EDN2: variants seen among roughly 807,000 people sequenced by gnomAD.
The protein encoded by EDN2 is endothelin-2.
EDN2 carries 10 observed loss-of-function variants against 19.9 expected under a neutral mutation model. The ratio of observed to expected loss-of-function variants is 0.50; its 90% CI spans 0.31 to 0.85. EDN2 has a LOEUF of 0.85. Among genes scored for constraint, EDN2 ranks in the 40% least tolerant of loss-of-function variants. EDN2 has a pLI of 0.05. For missense variants in EDN2, 222 were observed against 239.3 expected (o/e 0.93, Z 0.48); for synonymous variants, 84 against 94.9 (o/e 0.89, Z 0.67).
At chr1:41,482,945 C>T (rs1431742639) in intron 2 of EDN2, 3 of 164,346 alleles carry the variant, frequency 1.8e-5, no homozygotes, top group Non-Finnish European at 3.9e-5. Flanking sequence ...TAGTCTCTCT[C>T]CCCTCTCAGA....
rs768528003 is a variant in EDN2 at position 41,484,034 on chromosome 1, C to T, written c.221+13G>A. ...CAGAGCTCCCCCTGCCCCCAATCCC[C>T]ATGGATGCTCACTCAGGAGTGTTCA... On this transcript the variant is annotated intron_variant, in intron 2 of 4. Coordinates refer to ENST00000372587, the MANE Select transcript of EDN2 (RefSeq NM_001956.5). The T allele has an allele frequency of 1.3e-6, 2 of 1,588,508 alleles. No homozygotes were observed. The highest frequency in any genetic ancestry group is 1.1e-5 in the South Asian group (1 of 87,288).
intron 4 of EDN2, chr1:41,480,834 A>T: frequency 1.6e-6 from 1 of 639,058 alleles, no homozygotes; most frequent in East Asian, 3.2e-5. Flanking sequence ...GGTCCTTCCC[A>T]GTCATGAGCC....
At chr1:41,480,676 C>T (rs1198744733) in intron 4 of EDN2, 1 of 461,230 alleles carries the variant, frequency 2.2e-6, no homozygotes, top group East Asian at 6.8e-5. Flanking sequence ...TCGTGGGCAC[C>T]TCCTGGGGGC....
chr1:41,480,280 A>G (rs1644236417), intron 4 of EDN2, among the ~76,000 whole-genome samples: 1 of 152,024 alleles, frequency 6.6e-6, no homozygotes, highest in Admixed American at 6.6e-5. Context: ...CCGCCCCCAA[A>G]AGGTGAGAAT....
chr1:41,483,810 C>T lies in EDN2; in HGVS notation c.221+237G>A, dbSNP rs11572344. The T allele has an allele frequency of 4.5e-3, 2,019 of 453,584 alleles. 14 individuals are homozygous for T. Among genetic ancestry groups the T allele is most frequent in the Non-Finnish European group, 6.1e-3 (1,541 of 253,384 alleles). The allele number at this position is 453,584 out of a possible 1,614,324, so 28.1% of individuals were successfully genotyped here. On this transcript the variant is annotated intron_variant, in intron 2 of 4. Coordinates refer to ENST00000372587, the MANE Select transcript of EDN2 (RefSeq NM_001956.5). ...AGCCTCAGCACTTGAATCTGGAAAA[C>T]GGGGCCAACACTTGCTTACCAGGCT...
chr1:41,481,353 G>C (rs1644246078), intron 3 of EDN2, among the ~76,000 whole-genome samples, 160 bp from the exon 4 acceptor site: 1 of 152,192 alleles, frequency 6.6e-6, no homozygotes, highest in Non-Finnish European at 1.5e-5. Context: ...CCCTTTCCAG[G>C]TGGGGTGGGG....
In EDN2 at chr1:41,482,526, C is replaced by T. The variant is rs1454398358; in HGVS notation, c.284G>A (p.Arg95His). 5 of 1,594,114 alleles carry T rather than the reference C, an allele frequency of 3.1e-6. No homozygotes were observed. The highest frequency in any genetic ancestry group is 1.7e-5 in the Admixed American group (1 of 57,184). ...PRRRRRSLPR[R>H]CQCSSARDPA... ...GTCCCTGGCACTGGAGCACTGACAG[C>T]GCCTTGGCAGGGAGCGGCGCCGGCG... Residue 95 changes from arginine (R) to histidine (H), a missense_variant, in exon 3 of 5, where the codon CGC (arginine) becomes CAC (histidine). By Grantham distance (29) the Arg-to-His change is conservative. Coordinates refer to ENST00000372587, the MANE Select transcript of EDN2 (RefSeq NM_001956.5).
At chr1:41,479,687 C>A (rs745881943) in intron 4 of EDN2, among the ~76,000 whole-genome samples, 185 bp from the exon 5 acceptor site, 1 of 152,176 alleles carries the variant, frequency 6.6e-6, no homozygotes, top group South Asian at 2.1e-4. Context: ...CCAGCCCAGG[C>A]GTTGAAGCTT....
intron 1 of EDN2, 133 bp from the exon 2 acceptor site, chr1:41,484,336 A>G (rs1644273712): frequency 3.0e-6 from 4 of 1,333,250 alleles, no homozygotes; most frequent in Non-Finnish European, 1.0e-6. Context: ...CAAGAGCTCC[A>G]GGCCAGCCCA....
At chr1:41,481,476 C>CG (rs1235557182) in intron 3 of EDN2, among the ~76,000 whole-genome samples, 2 of 151,774 alleles carry the variant, frequency 1.3e-5, no homozygotes, top group African/African-American at 4.8e-5. Context: ...GAGGCAGGGG[C>CG]GGGGCCTCAG....
In EDN2 at chr1:41,484,027, C is replaced by T; in HGVS notation, c.221+20G>A. On this transcript the variant is annotated intron_variant, in intron 2 of 4. Coordinates refer to ENST00000372587, the MANE Select transcript of EDN2 (RefSeq NM_001956.5). ...CCTGCCCCAGAGCTCCCCCTGCCCC[C>T]AATCCCCATGGATGCTCACTCAGGA... The T allele has an allele frequency of 6.3e-7, 1 of 1,577,350 alleles. No homozygotes were observed. Among genetic ancestry groups the T allele is most frequent in the African/African-American group, 1.3e-5 (1 of 74,480 alleles).
At chr1:41,481,248 C>T (rs773765968) in intron 3 of EDN2, 55 bp from the exon 4 acceptor site, 27 of 1,506,874 alleles carry the variant, frequency 1.8e-5, no homozygotes, top group Non-Finnish European at 2.4e-5. Flanking sequence ...CCTGAAGCTA[C>T]CTGGCTGCAG....
chr1:41,483,952 A>G, intron 2 of EDN2, 95 bp downstream of exon 2: 2 of 1,331,038 alleles, frequency 1.5e-6, no homozygotes, highest in South Asian at 1.5e-5. Context: ...CCAGGGAGAG[A>G]TGGAATGTGT....
intron 3 of EDN2, among the ~76,000 whole-genome samples, 191 bp from the exon 4 acceptor site, chr1:41,481,384 C>G (rs1644246258): frequency 6.6e-6 from 1 of 152,160 alleles, no homozygotes; most frequent in Non-Finnish European, 1.5e-5. Context: ...ACTGAGCTAC[C>G]AGGAATGTGT....
chr1:41,480,645 T>G (rs545210659), intron 4 of EDN2: 2 of 454,200 alleles, frequency 4.4e-6, no homozygotes, highest in Admixed American at 2.4e-5. Context: ...TGTTCTTGAG[T>G]TGGTTTGGTT....
chr1:41,484,515 C>T (rs1644275079), intron 1 of EDN2, 23 bp downstream of exon 1: 1 of 1,551,322 alleles, frequency 6.4e-7, no homozygotes, highest in East Asian at 2.4e-5. Flanking sequence ...CTGTAGGCAG[C>T]AGGTGAGGCC....
intron 1 of EDN2, 152 bp from the exon 2 acceptor site, chr1:41,484,355 C>G: frequency 1.5e-6 from 2 of 1,308,312 alleles, no homozygotes; most frequent in South Asian, 3.0e-5. Context: ...CAGGGAAGTC[C>G]CAGCAGCCCG....
chr1:41,481,241 G>A, intron 3 of EDN2, 48 bp from the exon 4 acceptor site: 1 of 1,534,578 alleles, frequency 6.5e-7, no homozygotes, highest in Non-Finnish European at 9.0e-7. Flanking sequence ...CCAGGGCCCT[G>A]AAGCTACCTG....
In EDN2 at chr1:41,484,212, A is replaced by C; in HGVS notation, c.65-9T>G. 3 of 1,610,770 alleles carry C rather than the reference A, an allele frequency of 1.9e-6. 1 individual carries two copies. Among genetic ancestry groups the C allele is most frequent in the Non-Finnish European group, 2.5e-6 (3 of 1,179,126 alleles). Reference sequence around the variant, plus strand: ...AGCAGCCTGGCCCTTCCCTGCATGCACAGGAGGGAGAGAGAGGTGGAGAGG... The same window carrying C: ...AGCAGCCTGGCCCTTCCCTGCATGCCCAGGAGGGAGAGAGAGGTGGAGAGG... On this transcript the variant is annotated splice_polypyrimidine_tract_variant and intron_variant, in intron 1 of 4. Coordinates refer to ENST00000372587, the MANE Select transcript of EDN2 (RefSeq NM_001956.5).
Sources: allele counts gnomAD v4.1 joint callset (sites outside exome capture counted in the v4.1 genomes callset), GRCh38; gene constraint gnomAD v4.1.1; transcripts MANE v1.5; gene names NCBI Gene and HGNC (gene_info 2026-07-23, HGNC 2026-07-21).